Variants in UTRN observed in about 807,000 individuals in gnomAD.
The protein encoded by UTRN is utrophin.
UTRN carries 283 observed loss-of-function variants against 463.9 expected under a neutral mutation model. That is an observed-to-expected ratio of 0.61 (90% CI 0.55 to 0.67). UTRN has a LOEUF of 0.67. Ranked by LOEUF, UTRN falls within the 30% of genes least tolerant of loss-of-function variation. UTRN has a pLI of 0.00. For synonymous variants in UTRN, 1,442 were observed against 1,431.5 expected (o/e 1.01, Z -0.17); for missense variants, 3,922 against 4,084.3 (o/e 0.96, Z 1.08).
Position 144,289,452 on chromosome 6 carries a change from G to A in UTRN, c.-92-2285G>A, listed in dbSNP as rs140670787. ...AGAATAGCACAATAAACACCCAGAT[G>A]TCCTTTTTATTTTATTTTATTTTAT... On this transcript the variant is annotated intron_variant, in intron 1 of 74. Transcript: ENST00000367545. Among the ~76,000 whole-genome samples the A allele has an allele frequency of 1.5e-3, 234 of 152,026 alleles. 3 individuals carry two copies. The Middle Eastern group carries it at 0.021, about 13-fold the overall frequency.
rs552957852 is a variant in UTRN, at chr6:144,506,124, T to C, written c.4765-4820T>C. 7.9e-5 allele frequency among the ~76,000 whole-genome samples: 12 copies of C among 151,976 alleles called. No individual in the cohort carries two copies. In the South Asian group the frequency reaches 1.9e-3, roughly 24 times the overall value. Reference sequence around the variant, plus strand: ...TTTCCATTTGTTTGGTAAATATTCCTCTATCCCTTTATTTTGAGTCTATGT... The same window carrying C: ...TTTCCATTTGTTTGGTAAATATTCCCCTATCCCTTTATTTTGAGTCTATGT... On this transcript the variant is annotated intron_variant, in intron 34 of 74. Transcript: ENST00000367545.
intron 40 of UTRN, 84 bp from the exon 41 acceptor site, chr6:144,522,932 C>T: frequency 9.4e-7 from 1 of 1,065,858 alleles, no homozygotes; most frequent in Middle Eastern, 2.2e-4. Flanking sequence ...AATGAGTGTT[C>T]TACAATATAA....
chr6:144,291,989 T>C (rs1255878192), intron 2 of UTRN, 82 bp downstream of exon 2: 5 of 1,353,622 alleles, frequency 3.7e-6, no homozygotes, highest in Non-Finnish European at 5.0e-6. Context: ...TGCATTGTTC[T>C]TGCAAGAACT....
At chr6:144,414,446 G>A (rs1784197402) in intron 3 of UTRN, among the ~76,000 whole-genome samples, 1 of 152,176 alleles carries the variant, frequency 6.6e-6, no homozygotes, top group Admixed American at 6.5e-5. Context: ...GCACAGATGT[G>A]TGATGTGTTT....
At chr6:144,330,419 C>T (rs6927798) in intron 2 of UTRN, among the ~76,000 whole-genome samples, 23,812 of 152,126 alleles carry the variant, frequency 0.16, 5,663 homozygotes, top group African/African-American at 0.51. Flanking sequence ...AGGAATTAGT[C>T]TGGAGTATGT....
At chr6:144,848,565 G>T (rs970405090) in intron 74 of UTRN, among the ~76,000 whole-genome samples, 10 of 152,186 alleles carry the variant, frequency 6.6e-5, no homozygotes, top group African/African-American at 2.2e-4. Flanking sequence ...ATTTGCAGTT[G>T]TAGGGGAAGT....
intron 74 of UTRN, among the ~76,000 whole-genome samples, chr6:144,849,279 T>C (rs1782285433): frequency 6.6e-6 from 1 of 152,152 alleles, no homozygotes; most frequent in African/African-American, 2.4e-5. Context: ...CTTTTTAGGG[T>C]GGCCCATTAA....
intron 2 of UTRN, among the ~76,000 whole-genome samples, chr6:144,353,116 G>C (rs114031767): frequency 0.059 from 8,899 of 151,498 alleles, 876 homozygotes; most frequent in African/African-American, 0.2. Flanking sequence ...CTCATTTTTC[G>C]GATTTTTTTT....
intron 69 of UTRN, among the ~76,000 whole-genome samples, chr6:144,833,655 A>G (rs1780859332): frequency 6.6e-6 from 1 of 152,100 alleles, no homozygotes; most frequent in Non-Finnish European, 1.5e-5. Flanking sequence ...TGTCCTATCC[A>G]TATGTTAGAG....
At chr6:144,419,099 G>A (rs1442188392) in intron 3 of UTRN, among the ~76,000 whole-genome samples, 6 of 152,056 alleles carry the variant, frequency 3.9e-5, no homozygotes, top group Non-Finnish European at 8.8e-5. Context: ...TTCTGGTTGG[G>A]TGGGGGAGGG....
At chr6:144,415,204 T>A (rs1784264561) in intron 3 of UTRN, among the ~76,000 whole-genome samples, 1 of 152,204 alleles carries the variant, frequency 6.6e-6, no homozygotes, top group Non-Finnish European at 1.5e-5. Flanking sequence ...TGTGTAAATA[T>A]ACTCTATGAT....
At chr6:144,624,831 T>C (rs1775784548) in intron 51 of UTRN, among the ~76,000 whole-genome samples, 1 of 152,176 alleles carries the variant, frequency 6.6e-6, no homozygotes, top group Non-Finnish European at 1.5e-5. Context: ...AAATCAATGC[T>C]TGATGAGGCA....
At chr6:144,585,677 A>G (rs1802402790) in intron 51 of UTRN, among the ~76,000 whole-genome samples, 1 of 152,146 alleles carries the variant, frequency 6.6e-6, no homozygotes, top group Admixed American at 6.5e-5. Flanking sequence ...ACTTAATTGT[A>G]TTTTAATTAT....
chr6:144,665,654 T>G (rs1239351111), intron 51 of UTRN, among the ~76,000 whole-genome samples: 1 of 152,184 alleles, frequency 6.6e-6, no homozygotes, highest in Non-Finnish European at 1.5e-5. Context: ...ATCTGAATAG[T>G]GGGTGTTGTT....
At chr6:144,802,974 A>G in intron 64 of UTRN, 62 bp from the exon 65 acceptor site, 2 of 1,182,670 alleles carry the variant, frequency 1.7e-6, no homozygotes, top group South Asian at 2.5e-5. Flanking sequence ...GAAATTTCTT[A>G]CCACAAATTT....
At chr6:144,493,994 A>G (rs1793327150) in intron 33 of UTRN, among the ~76,000 whole-genome samples, 2 of 152,180 alleles carry the variant, frequency 1.3e-5, no homozygotes, top group South Asian at 4.1e-4. Context: ...AGAGTGAGAC[A>G]CTGTTTTTAA....
intron 32 of UTRN, 142 bp from the exon 33 acceptor site, chr6:144,493,159 C>T: frequency 2.9e-6 from 2 of 679,446 alleles, no homozygotes; most frequent in South Asian, 3.1e-5. Flanking sequence ...ACCTTCAGAC[C>T]AAATCTGAGA....
chr6:144,570,145 G>A (rs1202740089), intron 50 of UTRN, among the ~76,000 whole-genome samples: 1 of 152,128 alleles, frequency 6.6e-6, no homozygotes, highest in African/African-American at 2.4e-5. Context: ...ATGCCTTGGG[G>A]AAGGTACCAT....
intron 53 of UTRN, among the ~76,000 whole-genome samples, chr6:144,713,920 CAAA>C (rs535219098): frequency 5.9e-5 from 6 of 101,156 alleles, no homozygotes; most frequent in South Asian, 3.1e-4. Flanking sequence ...AACTCTGTCT[CAAA>C]AAAAAAAAAA....
Sources: gnomAD v4.1 joint callset for allele counts (sites outside exome capture counted in the v4.1 genomes callset) on GRCh38, gnomAD v4.1.1 for gene constraint, MANE v1.5 for transcripts, NCBI Gene and HGNC (gene_info 2026-07-23, HGNC 2026-07-21) for gene names.